Variants in CLVS1 observed in about 807,000 individuals in gnomAD.
CLVS1 encodes clavesin 1.
A neutral mutation model predicts 33.1 loss-of-function variants in CLVS1; 10 were observed. That is an observed-to-expected ratio of 0.30 (90% CI 0.19 to 0.51). The LOEUF (loss-of-function observed/expected upper bound fraction) is 0.51, where lower values mean the gene tolerates loss of function less well. CLVS1 is among the 20% of genes least tolerant of loss of function. The probability of loss-of-function intolerance (pLI) is 0.97; values close to 1 mark genes in which losing one functional copy is unlikely to be tolerated. For synonymous variants in CLVS1, 163 were observed against 166.1 expected (o/e 0.98, Z 0.14); for missense variants, 343 against 433.4 (o/e 0.79, Z 1.85).
In CLVS1 at chr8:61,232,026, T is replaced by TGTTTG. The variant is rs1554548348; in HGVS notation, c.-151-67651_-151-67650insGTTTG. On this transcript the variant is annotated intron_variant, in intron 2 of 2. Coordinates refer to the CLVS1 transcript ENST00000522621. ...AGGAGCCCTGAGGAAAGTTGTGGTT[T>TGTTTG]TTTTTTTTTTTTTTTTTTTTTTTTG... Among the ~76,000 whole-genome samples the TGTTTG allele has an allele frequency of 2.5e-3, 315 of 125,852 alleles. 16 individuals carry two copies. The highest frequency in any genetic ancestry group is 9.1e-3 in the African/African-American group (252 of 27,720). 82.6% of individuals were successfully genotyped at this position (125,852 alleles called of 152,430 possible). A position where few individuals can be genotyped will look rare whatever the true frequency, so the allele number is the denominator to read the frequency against.
intron 2 of CLVS1, among the ~76,000 whole-genome samples, chr8:61,133,862 AG>A (rs1585634003): frequency 1.3e-5 from 2 of 152,156 alleles, no homozygotes; most frequent in East Asian, 3.9e-4. Context: ...GAGGCAGAAA[AG>A]GGAAATATAG....
At chr8:61,481,724 C>T (rs905567268) in intron 5 of CLVS1, among the ~76,000 whole-genome samples, 7 of 152,196 alleles carry the variant, frequency 4.6e-5, no homozygotes, top group African/African-American at 9.7e-5. Context: ...TGGAGCCCAC[C>T]GCAGCTCAAG....
chr8:61,048,070 G>T, the CLVS1 span, among the ~76,000 whole-genome samples: 1 of 152,208 alleles, frequency 6.6e-6, no homozygotes, highest in Non-Finnish European at 1.5e-5. Context: ...CACAGGAAAA[G>T]GGAGGCGCAT....
chr8:61,212,878 T>C (rs546317660), intron 2 of CLVS1, among the ~76,000 whole-genome samples: 1 of 152,210 alleles, frequency 6.6e-6, no homozygotes, highest in South Asian at 2.1e-4. Context: ...ACTGCCTGCT[T>C]CCCTAGTGCC....
At chr8:61,319,929 C>G (rs992653151) in intron 2 of CLVS1, among the ~76,000 whole-genome samples, 1 of 151,678 alleles carries the variant, frequency 6.6e-6, no homozygotes, top group African/African-American at 2.4e-5. Context: ...AAAGTTATGC[C>G]TTTAATTATT....
chr8:61,218,205 G>T (rs886166576), intron 2 of CLVS1, among the ~76,000 whole-genome samples: 5 of 152,160 alleles, frequency 3.3e-5, no homozygotes, highest in African/African-American at 1.2e-4. Flanking sequence ...GCACCTCCAT[G>T]TTTATTGTAG....
intron 3 of CLVS1, among the ~76,000 whole-genome samples, chr8:61,385,140 T>C (rs1814030593): frequency 1.3e-5 from 2 of 152,164 alleles, no homozygotes; most frequent in Admixed American, 1.3e-4. Context: ...ATACTTTCCG[T>C]TGGGCAAGAT....
Position 61,270,931 on chromosome 8 carries a change from G to T in CLVS1, c.-151-28746G>T, listed in dbSNP as rs1308624404. On this transcript the variant is annotated intron_variant, in intron 2 of 2. Transcript: ENST00000522621. ...TTTTTCTTTATTAGTCTTGCTAGCGGTCTATCAATTTTGTTGATCCTGTCA... is the reference window on the plus strand; with the variant it reads ...TTTTTCTTTATTAGTCTTGCTAGCGTTCTATCAATTTTGTTGATCCTGTCA... Among the ~76,000 whole-genome samples, 13 of 151,708 alleles carry T rather than the reference G, an allele frequency of 8.6e-5. No individual in the cohort carries two copies. In the South Asian group the frequency reaches 2.5e-3, roughly 29 times the overall value.
chr8:61,113,533 T>A (rs2129288616), intron 1 of CLVS1, among the ~76,000 whole-genome samples: 1 of 152,316 alleles, frequency 6.6e-6, no homozygotes, highest in African/African-American at 2.4e-5. Context: ...TGGCTTCTTG[T>A]TGCATTATCC....
chr8:61,165,604 TAGTC>T (rs756793202), intron 2 of CLVS1, among the ~76,000 whole-genome samples: 3 of 152,220 alleles, frequency 2.0e-5, no homozygotes, highest in Non-Finnish European at 2.9e-5. Context: ...TAGGGATTCT[TAGTC>T]AGCCTAGGAA....
intron 1 of CLVS1, among the ~76,000 whole-genome samples, chr8:61,069,110 G>A (rs1006309824): frequency 6.6e-6 from 1 of 152,104 alleles, no homozygotes; most frequent in African/African-American, 2.4e-5. Flanking sequence ...GGAATTATAG[G>A]TGCGCACCAT....
intron 2 of CLVS1, among the ~76,000 whole-genome samples, chr8:61,184,755 T>C (rs1231287447): frequency 6.6e-6 from 1 of 152,160 alleles, no homozygotes; most frequent in African/African-American, 2.4e-5. Flanking sequence ...ACAGCTGGGG[T>C]ATACAAAATA....
At chr8:61,157,562 T>TAGC (rs1806674979) in intron 2 of CLVS1, among the ~76,000 whole-genome samples, 2 of 152,074 alleles carry the variant, frequency 1.3e-5, no homozygotes, top group Middle Eastern at 3.2e-3. Flanking sequence ...GTTTAGGCTA[T>TAGC]CACAATTAAA....
intron 2 of CLVS1, among the ~76,000 whole-genome samples, chr8:61,218,978 C>T (rs1808152044): frequency 6.6e-6 from 1 of 151,836 alleles, no homozygotes; most frequent in African/African-American, 2.4e-5. Context: ...CAACTGAGCT[C>T]AAGGTACTCA....
In CLVS1 at chr8:61,360,440, C is replaced by G. The variant is rs187825369; in HGVS notation, c.456-16165C>G. Among the ~76,000 whole-genome samples, 571 of 152,092 alleles carry G rather than the reference C, an allele frequency of 3.8e-3. 1 individual carries two copies. The highest frequency in any genetic ancestry group is 6.6e-3 in the Non-Finnish European group (452 of 67,978). Reference sequence around the variant, plus strand: ...TATGCATGCATTTAAAACAGAATTGCCAATCAATCAATCAATCAATCAAAA... The same window carrying G: ...TATGCATGCATTTAAAACAGAATTGGCAATCAATCAATCAATCAATCAAAA... On this transcript the variant is annotated intron_variant, in intron 2 of 5. Coordinates refer to ENST00000325897, the MANE Select transcript of CLVS1 (RefSeq NM_173519.3).
chr8:61,128,555 T>A (rs1806022427), intron 1 of CLVS1, among the ~76,000 whole-genome samples: 1 of 152,244 alleles, frequency 6.6e-6, no homozygotes, highest in African/African-American at 2.4e-5. Context: ...TAACATGGCA[T>A]GAAATCCAGG....
chr8:61,322,212 A>G (rs2129596378), intron 2 of CLVS1, among the ~76,000 whole-genome samples: 1 of 152,208 alleles, frequency 6.6e-6, no homozygotes, highest in Admixed American at 6.6e-5. Context: ...CCAGGGATTT[A>G]TTTTCTGTTT....
At chr8:61,010,066 G>GT in the CLVS1 span, among the ~76,000 whole-genome samples, 1 of 152,320 alleles carries the variant, frequency 6.6e-6, no homozygotes, top group South Asian at 2.1e-4. Context: ...TAGGGAATCA[G>GT]TAAATAGACA....
At chr8:61,423,744 T>A (rs557722123) in intron 3 of CLVS1, among the ~76,000 whole-genome samples, 1 of 152,302 alleles carries the variant, frequency 6.6e-6, no homozygotes, top group Non-Finnish European at 1.5e-5. Context: ...ATGCAGATTC[T>A]TAGTATATTA....
Sources: allele counts gnomAD v4.1 joint callset (sites outside exome capture counted in the v4.1 genomes callset), GRCh38; gene constraint gnomAD v4.1.1; transcripts MANE v1.5; gene names NCBI Gene and HGNC (gene_info 2026-07-23, HGNC 2026-07-21).